The following WDR72 variants were observed in gnomAD, a reference collection of about 807,000 sequenced individuals.
WDR72 encodes WD repeat domain 72.
WDR72 carries 120 observed loss-of-function variants against 124.2 expected under a neutral mutation model. The observed-to-expected ratio is 0.97, with a 90% CI of 0.83 to 1.12. The LOEUF is 1.12. WDR72 is among the 50% of genes most tolerant of loss of function. The pLI, the probability that WDR72 is intolerant of heterozygous loss-of-function variation, is 0.00. For missense variants in WDR72, 1,387 were observed against 1,278.8 expected (o/e 1.08, Z -1.29); for synonymous variants, 452 against 441.7 (o/e 1.02, Z -0.29).
chr15:53,694,581 T>C (rs889628590), intron 13 of WDR72, among the ~76,000 whole-genome samples: 33 of 152,212 alleles, frequency 2.2e-4, no homozygotes, highest in African/African-American at 7.7e-4. Context: ...AATTCCCTGC[T>C]TGACAGTCTC....
chr15:53,682,639 G>A (rs60122973), intron 13 of WDR72, among the ~76,000 whole-genome samples: 4,104 of 151,996 alleles, frequency 0.027, 107 homozygotes, highest in East Asian at 0.069. Context: ...TCTCAAATTT[G>A]AAGTCCCACA....
Position 53,712,894 on chromosome 15 carries a change from T to C in WDR72, c.592-3A>G, listed in dbSNP as rs2017587899. 1 of 1,613,228 alleles carries C rather than the reference T, an allele frequency of 6.2e-7. No individual in the cohort carries two copies. Reference sequence around the variant, plus strand: ...TTTTCATAGACATCTTGCTTTTCCTTCAAAAGGAAAGAAAATCTTTTAGTA... The same window carrying C: ...TTTTCATAGACATCTTGCTTTTCCTCCAAAAGGAAAGAAAATCTTTTAGTA... On this transcript the variant is annotated splice_polypyrimidine_tract_variant and splice_region_variant and intron_variant, in intron 6 of 19. Transcript: ENST00000360509.
At chr15:53,743,853 T>C (rs953173612) in intron 1 of WDR72, among the ~76,000 whole-genome samples, 2 of 151,888 alleles carry the variant, frequency 1.3e-5, no homozygotes, top group African/African-American at 2.4e-5. Flanking sequence ...TGGGCGCCTG[T>C]AGTCCCAGCT....
Position 53,686,522 on chromosome 15 carries a change from A to G in WDR72, c.1765+13228T>C, listed in dbSNP as rs148624040. Among the ~76,000 whole-genome samples, 566 of 151,998 alleles carry G rather than the reference A, an allele frequency of 3.7e-3. 1 individual carries two copies. The highest frequency in any genetic ancestry group is 0.013 in the African/African-American group (541 of 41,348). ...ACAAGAAGAGCTAACTATCCTAAAT[A>G]TATATGCACTCAACACAAGAGCACC... On this transcript the variant is annotated intron_variant, in intron 13 of 19. Coordinates refer to ENST00000360509, the MANE Select transcript of WDR72 (RefSeq NM_182758.4).
At chr15:53,699,670 T>G (rs2017105460) in intron 13 of WDR72, 80 bp downstream of exon 13, 1 of 1,494,446 alleles carries the variant, frequency 6.7e-7, no homozygotes, top group Non-Finnish European at 9.3e-7. Context: ...TCACCGTGTC[T>G]TCTCTGAAAC....
rs76124515 is a variant in WDR72 at position 53,650,413 on chromosome 15, G to A, written c.1962+15159C>T. On this transcript the variant is annotated intron_variant, in intron 14 of 19. Transcript: ENST00000360509. The stretch of plus-strand genomic sequence containing the variant: ...TTAAAAATTTGTTAAGAGGGCAGAT[G>A]TCATGTTAAGTGTTCTTACCAAAAT... Among the ~76,000 whole-genome samples the A allele has an allele frequency of 2.1e-3, 319 of 152,292 alleles. 2 individuals are homozygous for A. Among genetic ancestry groups the A allele is most frequent in the African/African-American group, 7.4e-3 (309 of 41,568 alleles).
At chr15:53,674,793 A>G (rs772056431) in intron 13 of WDR72, among the ~76,000 whole-genome samples, 1 of 152,172 alleles carries the variant, frequency 6.6e-6, no homozygotes, top group Non-Finnish European at 1.5e-5. Context: ...TCTAACCACC[A>G]TGACCTTAAC....
Position 53,714,583 on chromosome 15 carries a change from C to A in WDR72, c.515-73G>T, listed in dbSNP as rs1005811758. On this transcript the variant is annotated intron_variant, in intron 5 of 19. Transcript: ENST00000360509. ...GGGTAGGTAAAAATCATTTCACAGT[C>A]ATTTAAGAATTACGCAGGGCTGTGT... 4 of 1,238,962 alleles carry A rather than the reference C, an allele frequency of 3.2e-6. No individual in the cohort carries two copies. In the African/African-American group the frequency reaches 5.9e-5, roughly 18 times the overall value. 76.7% of individuals were successfully genotyped at this position (1,238,962 alleles called of 1,614,324 possible).
chr15:53,758,807 G>A (rs1395085361), intron 1 of WDR72, among the ~76,000 whole-genome samples: 2 of 128,424 alleles, frequency 1.6e-5, no homozygotes, highest in African/African-American at 5.5e-5. Flanking sequence ...GAAGACAAAC[G>A]TACCATACAC....
chr15:53,586,710 A>G (rs1217903233), intron 18 of WDR72, among the ~76,000 whole-genome samples: 1 of 152,112 alleles, frequency 6.6e-6, no homozygotes. Context: ...GAGGACATAA[A>G]GATGAAAGTG....
chr15:53,757,326 G>C (rs1276909762), intron 1 of WDR72, among the ~76,000 whole-genome samples: 1 of 152,126 alleles, frequency 6.6e-6, no homozygotes, highest in Admixed American at 6.6e-5. Flanking sequence ...TGTAGCGATA[G>C]AATTATTCCT....
intron 14 of WDR72, among the ~76,000 whole-genome samples, chr15:53,618,321 C>G (rs1253456219): frequency 1.3e-5 from 2 of 151,802 alleles, no homozygotes; most frequent in Admixed American, 1.3e-4. Context: ...TTATTTAGAC[C>G]ATGTTTAATT....
In WDR72 at chr15:53,713,833, A is replaced by G. The variant is rs547498480; in HGVS notation, c.591+601T>C. On this transcript the variant is annotated intron_variant, in intron 6 of 19. Coordinates refer to ENST00000360509, the MANE Select transcript of WDR72 (RefSeq NM_182758.4). Reference sequence around the variant, plus strand: ...CAGCACATAGAATAGTACGTTCTCAATAAGTTTGTGAAAATGCTGGATGTG... The same window carrying G: ...CAGCACATAGAATAGTACGTTCTCAGTAAGTTTGTGAAAATGCTGGATGTG... 3.3e-5 allele frequency among the ~76,000 whole-genome samples: 5 copies of G among 152,320 alleles called. No individual in the cohort carries two copies. In the East Asian group the frequency reaches 7.7e-4, roughly 24 times the overall value.
At chr15:53,684,647 T>C (rs193060710) in intron 13 of WDR72, 3,163 of 155,648 alleles carry the variant, frequency 0.02, 56 homozygotes, top group Middle Eastern at 0.041. Context: ...GCGCCCGCCA[T>C]TGCCCAGGCT....
At chr15:53,604,665 G>C (rs1373052269) in intron 17 of WDR72, among the ~76,000 whole-genome samples, 1 of 152,024 alleles carries the variant, frequency 6.6e-6, no homozygotes, top group Non-Finnish European at 1.5e-5. Context: ...CATGGGCAAA[G>C]GAAATGAACA....
chr15:53,629,106 G>C (rs181425625), intron 14 of WDR72, among the ~76,000 whole-genome samples: 1 of 151,656 alleles, frequency 6.6e-6, no homozygotes, highest in Non-Finnish European at 1.5e-5. Flanking sequence ...TGCAGTCCAG[G>C]TACCATTCTA....
At chr15:53,571,755 G>A (rs1241526142) in intron 18 of WDR72, among the ~76,000 whole-genome samples, 1 of 132,646 alleles carries the variant, frequency 7.5e-6, no homozygotes, top group Non-Finnish European at 1.6e-5. Flanking sequence ...TGAATCAACA[G>A]CAGTTCTATT....
At chr15:53,739,615 G>A (rs1033387754) in intron 1 of WDR72, among the ~76,000 whole-genome samples, 1 of 152,040 alleles carries the variant, frequency 6.6e-6, no homozygotes, top group South Asian at 2.1e-4. Context: ...CTGCAAAGCA[G>A]GTAGTGAGAA....
At chr15:53,669,077 TTTC>T (rs1164017178) in intron 13 of WDR72, among the ~76,000 whole-genome samples, 1 of 151,596 alleles carries the variant, frequency 6.6e-6, no homozygotes, top group African/African-American at 2.4e-5. Context: ...AAGAAAGGGC[TTTC>T]TTTTCTTGGT....
Sources: gnomAD v4.1 joint callset for allele counts (sites outside exome capture counted in the v4.1 genomes callset) on GRCh38, gnomAD v4.1.1 for gene constraint, MANE v1.5 for transcripts, NCBI Gene and HGNC (gene_info 2026-07-23, HGNC 2026-07-21) for gene names.